The following CNBD1 variants were observed in gnomAD, a reference collection of about 807,000 sequenced individuals.
The protein encoded by CNBD1 is cyclic nucleotide binding domain containing 1, also known as cyclic nucleotide-binding domain-containing protein 1.
CNBD1 carries 71 observed loss-of-function variants against 54.4 expected under a neutral mutation model. The ratio of observed to expected loss-of-function variants is 1.30; its 90% CI spans 1.08 to 1.59. The LOEUF (loss-of-function observed/expected upper bound fraction) is 1.59. Among genes scored for constraint, CNBD1 ranks in the 40% most tolerant of loss-of-function variants. The probability of loss-of-function intolerance (pLI) is 0.00; values close to 1 mark genes in which losing one functional copy is unlikely to be tolerated. For missense variants in CNBD1, 659 were observed against 518.0 expected, an observed-to-expected ratio of 1.27 and a Z score of -2.64; for synonymous variants, 182 against 170.7, an observed-to-expected ratio of 1.07 and a Z score of -0.51.
At chr8:87,079,800 TA>T (rs796878820) in intron 4 of CNBD1, among the ~76,000 whole-genome samples, 14 of 152,294 alleles carry the variant, frequency 9.2e-5, no homozygotes, top group African/African-American at 3.4e-4. Flanking sequence ...AAAGATCTTT[TA>T]AATAGCGGGA....
rs1224796007 is a variant in CNBD1 at position 87,325,942 on chromosome 8, C to T, written c.1043-25743C>T. ...GGCATGATTTTGCAGCAGCTGGTAC[C>T]GGTTGTTCCTTTCCATGTTTAGCGC... On this transcript the variant is annotated intron_variant, in intron 8 of 10. Coordinates refer to ENST00000518476, the MANE Select transcript of CNBD1 (RefSeq NM_173538.3). Among the ~76,000 whole-genome samples the T allele has an allele frequency of 1.9e-4, 21 of 111,784 alleles. 2 individuals are homozygous for T. The highest frequency in any genetic ancestry group is 9.5e-4 in the Admixed American group (11 of 11,564). 73.3% of individuals were successfully genotyped at this position (111,784 alleles called of 152,430 possible). A position where few individuals can be genotyped will look rare whatever the true frequency, so the allele number is the denominator to read the frequency against.
At chr8:87,159,907 A>G (rs1812819924) in intron 4 of CNBD1, among the ~76,000 whole-genome samples, 1 of 151,934 alleles carries the variant, frequency 6.6e-6, no homozygotes, top group Non-Finnish European at 1.5e-5. Context: ...TATATTTTTA[A>G]TATTTTAACA....
intron 5 of CNBD1, among the ~76,000 whole-genome samples, chr8:87,224,041 T>C (rs1189616413): frequency 6.6e-6 from 1 of 151,720 alleles, no homozygotes; most frequent in African/African-American, 2.4e-5. Flanking sequence ...AAATGTCTTC[T>C]TTTGAGAAGT....
chr8:87,338,936 A>G (rs1168183512), intron 8 of CNBD1, among the ~76,000 whole-genome samples: 2 of 152,070 alleles, frequency 1.3e-5, no homozygotes, highest in Non-Finnish European at 1.5e-5. Context: ...TGTTTTAGTA[A>G]GCCCATGTCT....
chr8:87,134,338 A>T (rs1274077108), intron 4 of CNBD1, among the ~76,000 whole-genome samples: 1 of 152,178 alleles, frequency 6.6e-6, no homozygotes, highest in Non-Finnish European at 1.5e-5. Flanking sequence ...ATGTTTTAGG[A>T]AAAAAACTTC....
intron 10 of CNBD1, among the ~76,000 whole-genome samples, chr8:87,370,488 C>T (rs556511346): frequency 6.5e-4 from 99 of 152,168 alleles, no homozygotes; most frequent in South Asian, 3.5e-3. Context: ...TGATGGTGCG[C>T]ATTTTTTCAT....
At chr8:87,353,454 A>G (rs1810347465) in intron 9 of CNBD1, among the ~76,000 whole-genome samples, 182 bp from the exon 10 acceptor site, 2 of 152,196 alleles carry the variant, frequency 1.3e-5, no homozygotes, top group Non-Finnish European at 2.9e-5. Flanking sequence ...TGAATTTACT[A>G]TTGCTCTAAT....
intron 4 of CNBD1, among the ~76,000 whole-genome samples, chr8:87,017,359 G>T (rs1809376624): frequency 6.6e-6 from 1 of 152,136 alleles, no homozygotes; most frequent in African/African-American, 2.4e-5. Flanking sequence ...ATTCTCCGCT[G>T]CATAGCCTTT....
intron 6 of CNBD1, among the ~76,000 whole-genome samples, chr8:87,267,963 C>A (rs953409926): frequency 1.3e-5 from 2 of 151,968 alleles, no homozygotes; most frequent in African/African-American, 4.8e-5. Flanking sequence ...ATTCTGTTTG[C>A]TTATATGTTT....
chr8:87,427,589 AC>A (rs1288005049), intron 2 of CNBD1, among the ~76,000 whole-genome samples: 1 of 152,206 alleles, frequency 6.6e-6, no homozygotes, highest in East Asian at 1.9e-4. Flanking sequence ...TGAGTTGTGC[AC>A]AAAATACTAT....
At chr8:87,094,586 T>C (rs892521566) in intron 4 of CNBD1, among the ~76,000 whole-genome samples, 2 of 152,168 alleles carry the variant, frequency 1.3e-5, no homozygotes, top group African/African-American at 4.8e-5. Flanking sequence ...TTCAAACCCA[T>C]CTTGCCCTCA....
intron 4 of CNBD1, among the ~76,000 whole-genome samples, chr8:87,161,092 G>T (rs1422020202): frequency 6.6e-6 from 1 of 152,026 alleles, no homozygotes; most frequent in Non-Finnish European, 1.5e-5. Flanking sequence ...GGGCTGGAGG[G>T]AGCCAATTCT....
At chr8:87,313,986 T>A (rs1362081611) in intron 8 of CNBD1, among the ~76,000 whole-genome samples, 1 of 151,984 alleles carries the variant, frequency 6.6e-6, no homozygotes, top group African/African-American at 2.4e-5. Flanking sequence ...CAGCAGCCTC[T>A]TCTGGAATAT....
At chr8:87,085,632 T>G (rs1811081485) in intron 4 of CNBD1, among the ~76,000 whole-genome samples, 1 of 152,206 alleles carries the variant, frequency 6.6e-6, no homozygotes, top group Non-Finnish European at 1.5e-5. Flanking sequence ...CAAGTTTTCC[T>G]CAATATTCCT....
chr8:87,209,071 T>G (rs1408654403), intron 5 of CNBD1, among the ~76,000 whole-genome samples: 1 of 152,016 alleles, frequency 6.6e-6, no homozygotes, highest in Non-Finnish European at 1.5e-5. Context: ...ATTCTTATAA[T>G]AGAAGAAATA....
At chr8:87,008,133 T>C (rs1809140682) in intron 4 of CNBD1, among the ~76,000 whole-genome samples, 1 of 152,226 alleles carries the variant, frequency 6.6e-6, no homozygotes. Context: ...CAAATACTGG[T>C]TTGCAATGTA....
rs55738108 is a variant in CNBD1, at chr8:87,141,993, A to G, written c.432-64000A>G. ...TTTAAAAAGACTCCTTAACTGTGAA[A>G]CAGAATTCATTGCATAAAATACATT... On this transcript the variant is annotated intron_variant, in intron 4 of 10. Coordinates refer to ENST00000518476, the MANE Select transcript of CNBD1 (RefSeq NM_173538.3). 5.3e-3 allele frequency among the ~76,000 whole-genome samples: 808 copies of G among 152,298 alleles called. 8 individuals carry two copies. The highest frequency in any genetic ancestry group is 0.019 in the African/African-American group (773 of 41,572).
chr8:87,141,832 A>G (rs1812375982), intron 4 of CNBD1, among the ~76,000 whole-genome samples: 1 of 152,118 alleles, frequency 6.6e-6, no homozygotes, highest in African/African-American at 2.4e-5. Flanking sequence ...AATGGAAACA[A>G]TCTCTCTTAA....
At chr8:87,144,156 G>A (rs559410825) in intron 4 of CNBD1, among the ~76,000 whole-genome samples, 4 of 152,298 alleles carry the variant, frequency 2.6e-5, no homozygotes, top group Middle Eastern at 6.8e-3. Context: ...AAATTCCTAC[G>A]TTAAGCTTGG....
Sources: gnomAD v4.1 joint callset for allele counts (sites outside exome capture counted in the v4.1 genomes callset) on GRCh38, gnomAD v4.1.1 for gene constraint, MANE v1.5 for transcripts, NCBI Gene and HGNC (gene_info 2026-07-23, HGNC 2026-07-21) for gene names.